Variants in PRKCA observed in about 807,000 individuals in gnomAD.
The protein encoded by PRKCA is protein kinase C alpha type.
PRKCA carries 27 observed loss-of-function variants against 87.0 expected under a neutral mutation model. The observed-to-expected ratio is 0.31, with a 90% CI of 0.23 to 0.43. PRKCA has a LOEUF of 0.43. Among genes scored for constraint, PRKCA ranks in the 20% least tolerant of loss-of-function variants. The probability of loss-of-function intolerance (pLI) is 1.00; values close to 1 mark genes in which losing one functional copy is unlikely to be tolerated. For synonymous variants in PRKCA, 329 were observed against 311.1 expected (o/e 1.06, Z -0.61); for missense variants, 518 against 852.3 (o/e 0.61, Z 4.88).
intron 3 of PRKCA, among the ~76,000 whole-genome samples, chr17:66,548,429 A>G (rs1968214631): frequency 6.6e-6 from 1 of 152,140 alleles, no homozygotes; most frequent in Admixed American, 6.5e-5. Context: ...AGTTCAACAC[A>G]CATGCCTAAA....
chr17:66,682,109 C>G (rs2144008705), intron 5 of PRKCA, among the ~76,000 whole-genome samples: 1 of 152,308 alleles, frequency 6.6e-6, no homozygotes, highest in Non-Finnish European at 1.5e-5. Context: ...TGAACATTTA[C>G]TTACAACTCT....
intron 4 of PRKCA, among the ~76,000 whole-genome samples, 182 bp from the exon 5 acceptor site, chr17:66,645,201 A>C (rs1383642977): frequency 6.6e-6 from 1 of 152,152 alleles, no homozygotes; most frequent in South Asian, 2.1e-4. Flanking sequence ...GGATATTGTC[A>C]CTCACATGAA....
chr17:66,477,642 G>A (rs543657250), intron 2 of PRKCA, among the ~76,000 whole-genome samples: 3 of 152,180 alleles, frequency 2.0e-5, no homozygotes, highest in Non-Finnish European at 4.4e-5. Context: ...GGAGGTTGTG[G>A]TGAGCTGAGA....
intron 2 of PRKCA, among the ~76,000 whole-genome samples, chr17:66,378,301 G>A (rs947473875): frequency 2.6e-5 from 4 of 152,162 alleles, no homozygotes; most frequent in African/African-American, 9.7e-5. Flanking sequence ...GCGACAGAGC[G>A]AGACTCTGTA....
chr17:66,555,018 C>T (rs1036986357), intron 3 of PRKCA, among the ~76,000 whole-genome samples: 3 of 151,988 alleles, frequency 2.0e-5, no homozygotes, highest in Non-Finnish European at 4.4e-5. Context: ...GCTGAGACTA[C>T]AGGCGCACGC....
At chr17:66,760,906 T>C (rs1423009501) in intron 13 of PRKCA, among the ~76,000 whole-genome samples, 1 of 152,226 alleles carries the variant, frequency 6.6e-6, no homozygotes, top group East Asian at 1.9e-4. Flanking sequence ...CTGACCTTTT[T>C]TGGGAGGGGT....
Position 66,621,220 on chromosome 17 carries a change from C to G in PRKCA, c.289-20135C>G, listed in dbSNP as rs567871982. Among the ~76,000 whole-genome samples the G allele has an allele frequency of 1.1e-4, 17 of 152,256 alleles. 1 individual carries two copies. In the East Asian group the frequency reaches 2.9e-3, roughly 26 times the overall value. ...GGCTTCAGGAACCTAACAGAGCCAACCCAACAGAAAGGCTAGGTGTTTGAT... is the reference window on the plus strand; with the variant it reads ...GGCTTCAGGAACCTAACAGAGCCAAGCCAACAGAAAGGCTAGGTGTTTGAT... On this transcript the variant is annotated intron_variant, in intron 3 of 16. Coordinates refer to ENST00000413366, the MANE Select transcript of PRKCA (RefSeq NM_002737.3).
At chr17:66,306,022 C>T in intron 1 of PRKCA, 74 bp from the exon 2 acceptor site, 1 of 1,401,774 alleles carries the variant, frequency 7.1e-7, no homozygotes, top group Non-Finnish European at 1.0e-6. Flanking sequence ...AGTACTTGGT[C>T]ACATAACTTG....
intron 3 of PRKCA, among the ~76,000 whole-genome samples, chr17:66,549,321 A>G (rs1968257167): frequency 6.6e-6 from 1 of 152,006 alleles, no homozygotes; most frequent in Admixed American, 6.6e-5. Context: ...TGGGCTCTCA[A>G]CTTCTTTCCA....
At chr17:66,680,769 G>A (rs1972467985) in intron 5 of PRKCA, among the ~76,000 whole-genome samples, 1 of 152,010 alleles carries the variant, frequency 6.6e-6, no homozygotes, top group Non-Finnish European at 1.5e-5. Flanking sequence ...CACCCTCAGA[G>A]TGAAATTAAA....
intron 2 of PRKCA, among the ~76,000 whole-genome samples, chr17:66,445,293 A>T (rs770546059): frequency 6.6e-6 from 1 of 152,204 alleles, no homozygotes; most frequent in Non-Finnish European, 1.5e-5. Flanking sequence ...AGCAAATGAG[A>T]GTGAAAACTG....
chr17:66,588,246 A>C (rs117879318), intron 3 of PRKCA, among the ~76,000 whole-genome samples: 426 of 152,230 alleles, frequency 2.8e-3, no homozygotes, highest in Admixed American at 8.3e-3. Flanking sequence ...ATTAGCCATC[A>C]GTGTTGCTTC....
At chr17:66,573,582 A>G (rs775498921) in intron 3 of PRKCA, among the ~76,000 whole-genome samples, 20 of 152,234 alleles carry the variant, frequency 1.3e-4, no homozygotes, top group Non-Finnish European at 2.1e-4. Flanking sequence ...AGAGTATCAA[A>G]AAGTGTGAAG....
At chr17:66,656,653 TGGG>T (rs1971740345) in intron 5 of PRKCA, among the ~76,000 whole-genome samples, 1 of 152,168 alleles carries the variant, frequency 6.6e-6, no homozygotes, top group African/African-American at 2.4e-5. Context: ...AGAGAGATCT[TGGG>T]GGATCAGGAG....
At chr17:66,671,971 G>T (rs1342812930) in intron 5 of PRKCA, among the ~76,000 whole-genome samples, 1 of 152,114 alleles carries the variant, frequency 6.6e-6, no homozygotes, top group African/African-American at 2.4e-5. Context: ...AAATAAATGA[G>T]ATCTTCTTTC....
intron 2 of PRKCA, among the ~76,000 whole-genome samples, chr17:66,386,641 A>G (rs1159793063): frequency 1.3e-5 from 2 of 152,214 alleles, no homozygotes; most frequent in Non-Finnish European, 2.9e-5. Flanking sequence ...CACACTTGAG[A>G]GTAAGTCAGT....
At chr17:66,524,114 G>A (rs919455125) in intron 3 of PRKCA, among the ~76,000 whole-genome samples, 6 of 152,098 alleles carry the variant, frequency 3.9e-5, no homozygotes, top group African/African-American at 1.4e-4. Flanking sequence ...TGTGTGAGTG[G>A]GAGGAGATGG....
At chr17:66,485,406 A>T (rs3848418) in intron 2 of PRKCA, among the ~76,000 whole-genome samples, 63,156 of 152,022 alleles carry the variant, frequency 0.42, 13,338 homozygotes, top group African/African-American at 0.48. Flanking sequence ...CCTGCCAAGA[A>T]GCAGGACTGT....
intron 3 of PRKCA, among the ~76,000 whole-genome samples, chr17:66,560,725 T>C (rs1968651958): frequency 6.6e-6 from 1 of 152,252 alleles, no homozygotes; most frequent in African/African-American, 2.4e-5. Flanking sequence ...TCAGGCTGTA[T>C]GTTCGAATCA....
Sources: gnomAD v4.1 joint callset for allele counts (sites outside exome capture counted in the v4.1 genomes callset) on GRCh38, gnomAD v4.1.1 for gene constraint, MANE v1.5 for transcripts, NCBI Gene and HGNC (gene_info 2026-07-23, HGNC 2026-07-21) for gene names.